Variants in LDLRAD3 observed in about 807,000 individuals in gnomAD.
LDLRAD3 encodes the protein low-density lipoprotein receptor class A domain-containing protein 3.
Under a neutral mutation model 29.4 loss-of-function variants are expected in LDLRAD3, and 20 were observed. That is an observed-to-expected ratio of 0.68 (90% CI 0.48 to 0.99). LDLRAD3 has a LOEUF of 0.99. LDLRAD3 is among the 50% of genes least tolerant of loss of function. The pLI, the probability that LDLRAD3 is intolerant of heterozygous loss-of-function variation, is 0.00. For missense variants in LDLRAD3, 420 were observed against 454.3 expected, an observed-to-expected ratio of 0.92 and a Z score of 0.69; for synonymous variants, 157 against 192.7, an observed-to-expected ratio of 0.81 and a Z score of 1.53.
At chr11:35,973,438 T>C (rs1031505483) in intron 1 of LDLRAD3, among the ~76,000 whole-genome samples, 15 of 151,600 alleles carry the variant, frequency 9.9e-5, no homozygotes, top group Non-Finnish European at 4.4e-5. Context: ...GAGTCAAGGG[T>C]GTTTGTAGGT....
At chr11:36,165,658 AT>A (rs1854502653) in intron 4 of LDLRAD3, among the ~76,000 whole-genome samples, 1 of 152,084 alleles carries the variant, frequency 6.6e-6, no homozygotes, top group Non-Finnish European at 1.5e-5. Context: ...TGCATAGTTC[AT>A]TGGAAATTCT....
At chr11:36,211,858 C>T (rs1423497450) in intron 4 of LDLRAD3, among the ~76,000 whole-genome samples, 1 of 152,174 alleles carries the variant, frequency 6.6e-6, no homozygotes, top group Non-Finnish European at 1.5e-5. Flanking sequence ...AAAGCATCTC[C>T]GCTCCCTGCA....
At chr11:36,121,644 A>G (rs1412968980) in intron 4 of LDLRAD3, among the ~76,000 whole-genome samples, 2 of 152,240 alleles carry the variant, frequency 1.3e-5, no homozygotes, top group African/African-American at 4.8e-5. Context: ...AGAGACATGC[A>G]CAGAAGTGTT....
chr11:36,116,791 A>G (rs1853680955), intron 4 of LDLRAD3, among the ~76,000 whole-genome samples: 1 of 152,090 alleles, frequency 6.6e-6, no homozygotes, highest in Non-Finnish European at 1.5e-5. Context: ...ATTATTTATC[A>G]GGACAAAGAC....
chr11:36,214,489 A>C (rs1855326094), intron 4 of LDLRAD3, among the ~76,000 whole-genome samples: 1 of 152,180 alleles, frequency 6.6e-6, no homozygotes, highest in Non-Finnish European at 1.5e-5. Context: ...GAAGGATGAG[A>C]CTGTTTTTGT....
At chr11:36,020,219 A>G (rs1852078827) in intron 1 of LDLRAD3, among the ~76,000 whole-genome samples, 1 of 152,214 alleles carries the variant, frequency 6.6e-6, no homozygotes, top group Non-Finnish European at 1.5e-5. Flanking sequence ...TGCCTCACAG[A>G]AAATCCTAGG....
intron 4 of LDLRAD3, among the ~76,000 whole-genome samples, chr11:36,179,039 G>T (rs999631046): frequency 6.6e-6 from 1 of 152,214 alleles, no homozygotes; most frequent in African/African-American, 2.4e-5. Flanking sequence ...AGCAGGACCT[G>T]TCTCTGTAAT....
intron 1 of LDLRAD3, among the ~76,000 whole-genome samples, chr11:35,992,670 T>C (rs530226661): frequency 2.0e-5 from 3 of 152,132 alleles, no homozygotes; most frequent in Non-Finnish European, 2.9e-5. Context: ...AGAAAGTAGA[T>C]AGGTGGTTGC....
At chr11:36,225,635 G>A (rs376673114) in intron 4 of LDLRAD3, among the ~76,000 whole-genome samples, 9 of 151,954 alleles carry the variant, frequency 5.9e-5, no homozygotes, top group Admixed American at 1.3e-4. Flanking sequence ...CTCAACTCAC[G>A]CACAACTCCT....
intron 1 of LDLRAD3, among the ~76,000 whole-genome samples, chr11:35,963,258 G>A (rs1279102319): frequency 6.6e-6 from 1 of 152,052 alleles, no homozygotes; most frequent in African/African-American, 2.4e-5. Flanking sequence ...CTTAAAGCTT[G>A]AAACTTACAT....
intron 3 of LDLRAD3, among the ~76,000 whole-genome samples, chr11:36,086,969 C>T (rs952549774): frequency 1.3e-5 from 2 of 152,170 alleles, no homozygotes; most frequent in Non-Finnish European, 2.9e-5. Flanking sequence ...TGAGATTGTT[C>T]TGCCAAAATC....
intron 1 of LDLRAD3, among the ~76,000 whole-genome samples, chr11:36,027,333 G>T (rs1034534584): frequency 1.3e-5 from 2 of 152,146 alleles, no homozygotes; most frequent in Non-Finnish European, 2.9e-5. Context: ...TTTCTACTGG[G>T]CTGCTTGTAT....
chr11:36,224,711 C>T (rs1310411026), intron 4 of LDLRAD3, among the ~76,000 whole-genome samples: 1 of 152,188 alleles, frequency 6.6e-6, no homozygotes, highest in Non-Finnish European at 1.5e-5. Context: ...CAAATTAACA[C>T]ACAGAGCCGG....
At chr11:36,207,047 G>A (rs930421314) in intron 4 of LDLRAD3, among the ~76,000 whole-genome samples, 9 of 152,224 alleles carry the variant, frequency 5.9e-5, no homozygotes, top group African/African-American at 1.2e-4. Context: ...TTTTGTACAC[G>A]AGTTTCTCTG....
intron 4 of LDLRAD3, among the ~76,000 whole-genome samples, chr11:36,145,017 C>A (rs1206081277): frequency 9.2e-6 from 1 of 108,922 alleles, no homozygotes; most frequent in African/African-American, 3.5e-5. Flanking sequence ...CCGCCCCGTC[C>A]GGGAGGTGAG....
intron 2 of LDLRAD3, among the ~76,000 whole-genome samples, chr11:36,054,138 A>C (rs1024114768): frequency 1.3e-5 from 2 of 151,962 alleles, no homozygotes; most frequent in African/African-American, 4.8e-5. Flanking sequence ...TTTCCCCCCC[A>C]TTTTCTGCAT....
At chr11:35,992,107 CA>C (rs1192605805) in intron 1 of LDLRAD3, among the ~76,000 whole-genome samples, 4 of 152,088 alleles carry the variant, frequency 2.6e-5, no homozygotes, top group African/African-American at 9.7e-5. Flanking sequence ...TCTTTTTGGA[CA>C]ATGAAGATGC....
chr11:36,199,585 A>ACACGCACG (rs1554973188), intron 4 of LDLRAD3, among the ~76,000 whole-genome samples: 11 of 150,354 alleles, frequency 7.3e-5, no homozygotes, highest in African/African-American at 2.8e-4. Context: ...ACACACACAC[A>ACACGCACG]CACGCACGCA....
chr11:36,045,038 C>T (rs979377720), intron 2 of LDLRAD3, among the ~76,000 whole-genome samples: 1 of 152,224 alleles, frequency 6.6e-6, no homozygotes, highest in Non-Finnish European at 1.5e-5. Context: ...GCACTGTAGG[C>T]CTAGAACTTG....
Sources: gnomAD v4.1 joint callset for allele counts (sites outside exome capture counted in the v4.1 genomes callset) on GRCh38, gnomAD v4.1.1 for gene constraint, MANE v1.5 for transcripts, NCBI Gene and HGNC (gene_info 2026-07-23, HGNC 2026-07-21) for gene names.